Variants in TMEM132D observed in about 807,000 individuals in gnomAD.
The protein encoded by TMEM132D is mature OL transmembrane protein.
TMEM132D carries 21 observed loss-of-function variants against 62.3 expected under a neutral mutation model. The observed-to-expected ratio is 0.34, with a 90% CI of 0.24 to 0.49. The LOEUF is 0.49. TMEM132D is among the 20% of genes least tolerant of loss of function. The pLI, the probability that TMEM132D is intolerant of heterozygous loss-of-function variation, is 0.99. For missense variants in TMEM132D, 1,346 were observed against 1,402.8 expected (o/e 0.96, Z 0.65); for synonymous variants, 621 against 575.6 (o/e 1.08, Z -1.13).
intron 5 of TMEM132D, among the ~76,000 whole-genome samples, chr12:129,170,518 C>G (rs1877690223): frequency 6.6e-6 from 1 of 152,164 alleles, no homozygotes; most frequent in East Asian, 1.9e-4. Context: ...AACACTCATG[C>G]CTTAATTTAA....
chr12:129,318,216 C>T (rs1868555602), intron 4 of TMEM132D, among the ~76,000 whole-genome samples: 1 of 152,056 alleles, frequency 6.6e-6, no homozygotes, highest in Admixed American at 6.6e-5. Context: ...TATTGAAGAG[C>T]CTTGTTTTGT....
intron 3 of TMEM132D, among the ~76,000 whole-genome samples, chr12:129,485,648 G>A (rs1874559447): frequency 6.6e-6 from 1 of 152,154 alleles, no homozygotes; most frequent in South Asian, 2.1e-4. Context: ...CAGAGGGCAC[G>A]CCAGAAGCCA....
At chr12:129,680,295 CTCT>C (rs1880745783) in intron 2 of TMEM132D, among the ~76,000 whole-genome samples, 1 of 152,158 alleles carries the variant, frequency 6.6e-6, no homozygotes, top group Non-Finnish European at 1.5e-5. Flanking sequence ...CTTGGATGAT[CTCT>C]TTTTTTATTA....
At chr12:129,341,123 T>C (rs868441551) in intron 3 of TMEM132D, among the ~76,000 whole-genome samples, 3 of 152,234 alleles carry the variant, frequency 2.0e-5, no homozygotes, top group Non-Finnish European at 2.9e-5. Flanking sequence ...TTCCAAACTC[T>C]TGCGTAGTAG....
intron 5 of TMEM132D, among the ~76,000 whole-genome samples, chr12:129,192,188 G>T (rs1878424473): frequency 6.6e-6 from 1 of 152,186 alleles, no homozygotes; most frequent in Non-Finnish European, 1.5e-5. Context: ...AGGTCTGGAA[G>T]AGACCCCTGG....
chr12:129,299,373 T>C (rs1223968555), intron 4 of TMEM132D, among the ~76,000 whole-genome samples: 1 of 152,128 alleles, frequency 6.6e-6, no homozygotes, highest in Admixed American at 6.5e-5. Context: ...ATGCAGACTT[T>C]TTTATGGAAG....
rs572106069 is a variant in TMEM132D, at chr12:129,483,180, C to T, written c.1115+47879G>A. On this transcript the variant is annotated intron_variant, in intron 3 of 8. Coordinates refer to ENST00000422113, the MANE Select transcript of TMEM132D (RefSeq NM_133448.3). ...TCTGTCATTACGCTTCTATCGTGAA[C>T]GTACAGTCTGCATGTCTGATAGAAT... 7.2e-5 allele frequency among the ~76,000 whole-genome samples: 11 copies of T among 152,314 alleles called. No homozygotes were observed. The East Asian group carries it at 1.2e-3, about 16-fold the overall frequency.
chr12:129,443,339 C>G (rs965683349), intron 3 of TMEM132D, among the ~76,000 whole-genome samples: 1 of 152,232 alleles, frequency 6.6e-6, no homozygotes, highest in Non-Finnish European at 1.5e-5. Flanking sequence ...CTATGTCAAT[C>G]TCTGGGCATC....
intron 3 of TMEM132D, among the ~76,000 whole-genome samples, chr12:129,366,511 C>T (rs1038137168): frequency 6.6e-6 from 1 of 152,190 alleles, no homozygotes; most frequent in Admixed American, 6.5e-5. Context: ...CAGACTCCAG[C>T]GTTGTGCTTC....
At chr12:129,515,647 A>G (rs1203301930) in intron 3 of TMEM132D, among the ~76,000 whole-genome samples, 1 of 152,182 alleles carries the variant, frequency 6.6e-6, no homozygotes, top group Non-Finnish European at 1.5e-5. Context: ...CTCCAGAGAG[A>G]AGGTTGTAAT....
chr12:129,764,967 A>G (rs76575943), intron 1 of TMEM132D, among the ~76,000 whole-genome samples: 2,160 of 152,152 alleles, frequency 0.014, 54 homozygotes, highest in African/African-American at 0.047. Flanking sequence ...CACCCCACTT[A>G]TGTCCTGAAG....
At chr12:129,607,620 C>T (rs1360011768) in intron 2 of TMEM132D, among the ~76,000 whole-genome samples, 10 of 152,306 alleles carry the variant, frequency 6.6e-5, no homozygotes, top group African/African-American at 2.4e-4. Flanking sequence ...GGAGGCCAGA[C>T]AAAGGGCCAA....
At chr12:129,363,010 C>A (rs560125443) in intron 3 of TMEM132D, among the ~76,000 whole-genome samples, 2 of 152,188 alleles carry the variant, frequency 1.3e-5, no homozygotes, top group Non-Finnish European at 2.9e-5. Context: ...TTTTCATCTG[C>A]TACATCTGGC....
intron 5 of TMEM132D, among the ~76,000 whole-genome samples, chr12:129,172,233 T>G (rs1268245321): frequency 1.3e-5 from 2 of 152,266 alleles, no homozygotes; most frequent in Non-Finnish European, 2.9e-5. Context: ...GCTTCCTCGC[T>G]CCTCTCAGCC....
chr12:129,722,999 C>T (rs980036534), intron 1 of TMEM132D, among the ~76,000 whole-genome samples: 4 of 152,062 alleles, frequency 2.6e-5, no homozygotes, highest in African/African-American at 9.7e-5. Context: ...ACCTCAGCCT[C>T]CCAAAGTGCT....
At chr12:129,622,489 C>T (rs568581463) in intron 2 of TMEM132D, among the ~76,000 whole-genome samples, 3 of 152,056 alleles carry the variant, frequency 2.0e-5, no homozygotes, top group Non-Finnish European at 2.9e-5. Context: ...TCCAGCTGAC[C>T]GACTATATCC....
intron 3 of TMEM132D, among the ~76,000 whole-genome samples, chr12:129,354,315 G>GTATATATATATATATATATA (rs35875993): frequency 5.4e-4 from 80 of 148,014 alleles, no homozygotes; most frequent in African/African-American, 1.8e-3. Flanking sequence ...ACTTTATTGG[G>GTATATATATATATATATATA]TATATATATA....
chr12:129,440,810 CA>C (rs1239757768), intron 3 of TMEM132D, among the ~76,000 whole-genome samples: 1 of 152,172 alleles, frequency 6.6e-6, no homozygotes, highest in African/African-American at 2.4e-5. Context: ...CCTGGGTTGG[CA>C]GGGGGAGTGC....
intron 1 of TMEM132D, among the ~76,000 whole-genome samples, chr12:129,724,935 T>G (rs750892018): frequency 6.6e-6 from 1 of 152,210 alleles, no homozygotes; most frequent in Non-Finnish European, 1.5e-5. Flanking sequence ...CCAGCTAGGT[T>G]GGGGATCATG....
Sources: allele counts gnomAD v4.1 joint callset (sites outside exome capture counted in the v4.1 genomes callset), GRCh38; gene constraint gnomAD v4.1.1; transcripts MANE v1.5; gene names NCBI Gene and HGNC (gene_info 2026-07-23, HGNC 2026-07-21).